MYH8: variants seen among roughly 807,000 people sequenced by gnomAD.
MYH8 encodes myosin-8.
A neutral mutation model predicts 233.2 loss-of-function variants in MYH8; 168 were observed. That is an observed-to-expected ratio of 0.72 (90% CI 0.64 to 0.82). The LOEUF (loss-of-function observed/expected upper bound fraction) is 0.82. MYH8 is among the 40% of genes least tolerant of loss of function. The probability of loss-of-function intolerance (pLI) is 0.00; values close to 1 mark genes in which losing one functional copy is unlikely to be tolerated. For synonymous variants in MYH8, 785 were observed against 850.6 expected (o/e 0.92, Z 1.34); for missense variants, 1,995 against 2,327.8 (o/e 0.86, Z 2.94).
In MYH8 at chr17:10,390,534, G is replaced by C; in HGVS notation, c.5734C>G (p.Arg1912Gly). 1 of 1,614,176 alleles carries C rather than the reference G, an allele frequency of 6.2e-7. No individual in the cohort carries two copies. Among genetic ancestry groups the C allele is most frequent in the Non-Finnish European group, 8.5e-7 (1 of 1,180,030 alleles). ...LQHELEEAEE[R>G]ADIAESQVNK... Reference sequence around the variant, plus strand: ...ACCTGGGACTCAGCAATGTCAGCCCGTTCCTCGGCCTCCTCCAGCTCATGC... The same window carrying C: ...ACCTGGGACTCAGCAATGTCAGCCCCTTCCTCGGCCTCCTCCAGCTCATGC... Residue 1912 changes from arginine to glycine, a missense_variant, in exon 40 of 40, where the codon CGG (arginine) becomes GGG (glycine). Coordinates refer to ENST00000403437, the MANE Select transcript of MYH8 (RefSeq NM_002472.3).
At chr17:10,413,878 C>G in intron 12 of MYH8, 24 bp downstream of exon 12, 3 of 1,613,636 alleles carry the variant, frequency 1.9e-6, no homozygotes, top group African/African-American at 1.3e-5. Context: ...TCTCATTAAA[C>G]CCAGATAAAG....
In MYH8 at chr17:10,417,917, T is replaced by G. The variant is rs912803182; in HGVS notation, c.511+728A>C. 6.6e-6 allele frequency among the ~76,000 whole-genome samples: 1 copy of G among 152,128 alleles called. No individual in the cohort carries two copies. Among genetic ancestry groups the G allele is most frequent in the Non-Finnish European group, 1.5e-5 (1 of 68,028 alleles). On this transcript the variant is annotated intron_variant, in intron 5 of 39. Coordinates refer to ENST00000403437, the MANE Select transcript of MYH8 (RefSeq NM_002472.3). The surrounding 1 kb of genome is among the most constrained non-coding windows in gnomAD (Gnocchi z 4.1). ...AAACACCTTAGTTTCCAAAATTCCATGGAACAACAGGAAACTCAGGAATAG... is the reference window on the plus strand; with the variant it reads ...AAACACCTTAGTTTCCAAAATTCCAGGGAACAACAGGAAACTCAGGAATAG...
chr17:10,416,362 C>T (rs1276438735), intron 5 of MYH8, among the ~76,000 whole-genome samples: 7 of 152,196 alleles, frequency 4.6e-5, no homozygotes, highest in Non-Finnish European at 1.0e-4. Flanking sequence ...TGTTGATGGA[C>T]ACTTGGGTTG....
rs777715204 is a variant in MYH8, at chr17:10,396,877, C to A, written c.4288G>T (p.Asp1430Tyr). The A allele has an allele frequency of 4.3e-6, 7 of 1,614,084 alleles. No homozygotes were observed. In the East Asian group the frequency reaches 1.3e-4, roughly 31 times the overall value. The change falls in exon 31 of 40, where the codon GAC becomes TAC. Residue 1430 changes from aspartate to tyrosine, a missense_variant. Transcript: ENST00000403437. This position sits in a 1 kb window ranked among gnomAD's most constrained non-coding sequence, Gnocchi z 4.2. Reference sequence around the variant, plus strand: ...GACCTTTCCACATCAAGCATGAGGTCTTCAACTTCATTCTGGAGCCGCTGC... The same window carrying A: ...GACCTTTCCACATCAAGCATGAGGTATTCAACTTCATTCTGGAGCCGCTGC... ...TKQRLQNEVE[D>Y]LMLDVERSNA...
At chr17:10,409,830 C>T (rs1016613102) in intron 15 of MYH8, among the ~76,000 whole-genome samples, 4 of 152,120 alleles carry the variant, frequency 2.6e-5, no homozygotes, top group African/African-American at 7.2e-5. Context: ...TCCTCAACAC[C>T]GCATGTTAAA....
intron 35 of MYH8, 119 bp downstream of exon 35, chr17:10,394,130 G>T: frequency 7.7e-7 from 1 of 1,298,980 alleles, no homozygotes; most frequent in Non-Finnish European, 1.1e-6. Flanking sequence ...GAGTATTTTT[G>T]AGCATATCCC....
chr17:10,413,181 A>C (rs374410430), intron 12 of MYH8, among the ~76,000 whole-genome samples: 1 of 152,246 alleles, frequency 6.6e-6, no homozygotes, highest in African/African-American at 2.4e-5. Flanking sequence ...GGAGATTAAA[A>C]TTTACTGCAT....
At position 10,401,405 on chromosome 17, in the gene MYH8, G is replaced by C; in HGVS notation, c.2978C>G (p.Ala993Gly). ...AGCCTTCTTCTCCTTGGACAGTTTT[G>C]CAATGGTTTCATCCAGGCCTGCCAT... ...EEMAGLDETIAKLSKEKKALQ... is the reference protein window; with the variant it reads ...EEMAGLDETIGKLSKEKKALQ... The change falls in exon 24 of 40, where the codon GCA (alanine) becomes GGA (glycine). Residue 993 changes from alanine to glycine, a missense_variant. Ala to Gly is a moderately conservative substitution (Grantham distance 60). This residue lies in a region of MYH8 where 1,498 missense variants were observed against 1,680.9 expected (regional missense o/e 0.89). Transcript: ENST00000403437. The C allele has an allele frequency of 6.2e-7, 1 of 1,613,904 alleles. No individual in the cohort carries two copies. The highest frequency in any genetic ancestry group is 8.5e-7 in the Non-Finnish European group (1 of 1,180,002).
At chr17:10,395,809 C>T (rs1325165835) in intron 33 of MYH8, among the ~76,000 whole-genome samples, 4 of 151,724 alleles carry the variant, frequency 2.6e-5, no homozygotes, top group Non-Finnish European at 5.9e-5. Context: ...ATTTTTTTTC[C>T]GATTACATAA....
At chr17:10,411,849 C>T (rs560531490) in intron 14 of MYH8, among the ~76,000 whole-genome samples, 1 of 152,270 alleles carries the variant, frequency 6.6e-6, no homozygotes, top group African/African-American at 2.4e-5. Context: ...TAATAATTTA[C>T]TCCTTTATTT....
At chr17:10,393,668 A>C (rs1179954687) in intron 35 of MYH8, among the ~76,000 whole-genome samples, 1 of 152,218 alleles carries the variant, frequency 6.6e-6, no homozygotes, top group Non-Finnish European at 1.5e-5. Context: ...TTAAGATTTC[A>C]ACTCAGTGTT....
At chr17:10,412,789 T>G in intron 12 of MYH8, 61 bp from the exon 13 acceptor site, 1 of 1,357,928 alleles carries the variant, frequency 7.4e-7, no homozygotes, top group Non-Finnish European at 1.1e-6. Context: ...TACCTAATCT[T>G]TCCATTTTTC....
At position 10,396,721 on chromosome 17, in the gene MYH8, GA is replaced by G. The variant is rs2072082272; in HGVS notation, c.4363-4del. 2 of 1,614,028 alleles carry G rather than the reference GA, an allele frequency of 1.2e-6. No individual in the cohort carries two copies. Among genetic ancestry groups the G allele is most frequent in the African/African-American group, 2.7e-5 (2 of 74,896 alleles). ...TTCTGCTTCCATTCTGATAGGACCT[GA>G]AAAGCAATAAATCATGAGTTGATCC... On this transcript the variant is annotated splice_region_variant and splice_polypyrimidine_tract_variant and intron_variant, in intron 31 of 39. Transcript: ENST00000403437. The surrounding 1 kb of genome is among the most constrained non-coding windows in gnomAD (Gnocchi z 4.2).
At chr17:10,407,272 G>A (rs2072203059) in intron 17 of MYH8, among the ~76,000 whole-genome samples, 1 of 152,158 alleles carries the variant, frequency 6.6e-6, no homozygotes, top group Non-Finnish European at 1.5e-5. Flanking sequence ...GTTCTCAACC[G>A]AGAATCACAA....
intron 33 of MYH8, among the ~76,000 whole-genome samples, chr17:10,395,842 G>A (rs1194775080): frequency 1.3e-5 from 2 of 151,964 alleles, no homozygotes; most frequent in African/African-American, 4.8e-5. Context: ...GTATAATGTG[G>A]AGGCAATACA....
chr17:10,390,330 A>G lies in MYH8; in HGVS notation c.*124T>C. ...AAAAAATGAAAGTCCGGTTTAATGT[A>G]TACATTTACTGTAGTTTTTATTTAT... On this transcript the variant is annotated 3_prime_UTR_variant, in exon 40 of 40. Transcript: ENST00000403437. 7.8e-7 allele frequency: 1 copy of G among 1,287,606 alleles called. No homozygotes were observed. The highest frequency in any genetic ancestry group is 1.5e-5 in the African/African-American group (1 of 68,336). The allele number at this position is 1,287,606 out of a possible 1,614,324, so 79.8% of individuals were successfully genotyped here.
At position 10,419,978 on chromosome 17, in the gene MYH8, G is replaced by T. The variant is rs565407605; in HGVS notation, c.210+40C>A. On this transcript the variant is annotated intron_variant, in intron 3 of 39. Coordinates refer to ENST00000403437, the MANE Select transcript of MYH8 (RefSeq NM_002472.3). The surrounding 1 kb of genome is among the most constrained non-coding windows in gnomAD (Gnocchi z 4.0). ...AGTTAGGCTTCAACTTTTGAACCAA[G>T]AAATAAAATGGGGAGTATTTTCTCC... 1.2e-5 allele frequency: 19 copies of T among 1,600,308 alleles called. No individual in the cohort carries two copies. In the African/African-American group the frequency reaches 1.3e-4, roughly 11 times the overall value.
At position 10,401,362 on chromosome 17, in the gene MYH8, C is replaced by T. The variant is rs771891797; in HGVS notation, c.3021G>A (p.Gln1007=). The change falls in exon 24 of 40, where the codon CAG becomes CAA. Residue 1007 remains glutamine, a synonymous_variant. Transcript: ENST00000403437. ...KEKKALQETH[Q]QTLDDLQAEE... ...CTGCCTGCAGGTCATCCAGGGTCTG[C>T]TGGTGGGTCTCTTGGAGAGCCTTCT... The T allele has an allele frequency of 4.3e-6, 7 of 1,614,094 alleles. No homozygotes were observed. In the Admixed American group the frequency reaches 1.0e-4, roughly 23 times the overall value.
In MYH8 at chr17:10,401,151, T is replaced by G. The variant is rs1290543576; in HGVS notation, c.3149A>C (p.Asp1050Ala). The G allele has an allele frequency of 4.3e-6, 7 of 1,613,834 alleles. No homozygotes were observed. The highest frequency in any genetic ancestry group is 1.7e-5 in the Admixed American group (1 of 59,974). ...SLEQEKKLRMDLERAKRKLEG... is the reference protein window; with the variant it reads ...SLEQEKKLRMALERAKRKLEG... ...CAGTTTCCGCTTTGCTCTTTCTAGA[T>G]CCATTCGAAGCTTCTTTTCTTGTTC... is the stretch of plus-strand genomic sequence containing the variant. Residue 1050 changes from aspartate (D) to alanine (A), a missense_variant, in exon 25 of 40, where the codon GAT becomes GCT. Asp to Ala is a moderately radical substitution (Grantham distance 126). Transcript: ENST00000403437.
Sources: gnomAD v4.1 joint callset for allele counts (sites outside exome capture counted in the v4.1 genomes callset) on GRCh38, gnomAD v4.1.1 for gene constraint, gnomAD v4.1.1 regional missense constraint, Gnocchi (gnomAD v3.1) non-coding constraint, MANE v1.5 for transcripts, NCBI Gene and HGNC (gene_info 2026-07-23, HGNC 2026-07-21) for gene names.